Variants in RPTOR observed in about 807,000 individuals in gnomAD.
RPTOR encodes regulatory-associated protein of mTOR.
A neutral mutation model predicts 169.9 loss-of-function variants in RPTOR; 21 were observed. That is an observed-to-expected ratio of 0.12 (90% CI 0.09 to 0.18). The LOEUF is 0.18. RPTOR is among the 10% of genes least tolerant of loss of function. The pLI is 1.00. For missense variants in RPTOR, 1,133 were observed against 1,855.9 expected (o/e 0.61, Z 7.16); for synonymous variants, 732 against 753.2 (o/e 0.97, Z 0.46).
chr17:80,571,866 T>C (rs867569491), intron 1 of RPTOR, among the ~76,000 whole-genome samples: 1 of 152,344 alleles, frequency 6.6e-6, no homozygotes, highest in Middle Eastern at 3.4e-3. Context: ...TCTCTAAAAG[T>C]TGTACTTGCG....
rs1376259690 is a variant in RPTOR at position 80,923,936 on chromosome 17, G to A, written c.2808+263G>A. 2.7e-5 allele frequency: 13 copies of A among 476,334 alleles called. No homozygotes were observed. In the East Asian group the frequency reaches 4.2e-4, roughly 16 times the overall value. The allele number at this position is 476,334 out of a possible 1,614,324, so 29.5% of individuals were successfully genotyped here. A position where few individuals can be genotyped will look rare whatever the true frequency, so the allele number is the denominator to read the frequency against. On this transcript the variant is annotated intron_variant, in intron 23 of 33. Coordinates refer to ENST00000306801, the MANE Select transcript of RPTOR (RefSeq NM_020761.3). ...CTGCACTCTTTAGGAGCACTGCTGG[G>A]TGTGTCCCGGTTCTCCGCCCCTGGT...
intron 6 of RPTOR, among the ~76,000 whole-genome samples, chr17:80,758,559 C>T (rs575049816): frequency 4.6e-5 from 7 of 152,252 alleles, no homozygotes; most frequent in South Asian, 2.1e-4. Context: ...CATATCAGTG[C>T]GGTCTTGAGC....
chr17:80,755,972 A>T (rs2066677214), intron 6 of RPTOR, among the ~76,000 whole-genome samples: 1 of 152,232 alleles, frequency 6.6e-6, no homozygotes, highest in African/African-American at 2.4e-5. Flanking sequence ...AAGCTGAACC[A>T]GGGTTATTGT....
chr17:80,672,515 C>T (rs1020485056), intron 3 of RPTOR, among the ~76,000 whole-genome samples: 3 of 152,046 alleles, frequency 2.0e-5, no homozygotes, highest in African/African-American at 7.2e-5. Flanking sequence ...CAGCCAGGCG[C>T]GGTGGCTCAC....
At chr17:80,740,422 G>T (rs760030850) in intron 5 of RPTOR, among the ~76,000 whole-genome samples, 2 of 152,102 alleles carry the variant, frequency 1.3e-5, no homozygotes, top group African/African-American at 4.8e-5. Context: ...CTCATTTTAT[G>T]AGGCCATTAT....
At position 80,965,649 on chromosome 17, in the gene RPTOR, G is replaced by A. The variant is rs564005534; in HGVS notation, c.*1319G>A. 4.3e-5 allele frequency: 10 copies of A among 233,336 alleles called. No individual in the cohort carries two copies. Among genetic ancestry groups the A allele is most frequent in the South Asian group, 3.6e-4 (2 of 5,524 alleles). The allele number at this position is 233,336 out of a possible 1,614,324, so 14.5% of individuals were successfully genotyped here. A position where few individuals can be genotyped will look rare whatever the true frequency, so the allele number is the denominator to read the frequency against. On this transcript the variant is annotated 3_prime_UTR_variant, in exon 34 of 34. Coordinates refer to ENST00000306801, the MANE Select transcript of RPTOR (RefSeq NM_020761.3). Reference sequence around the variant, plus strand: ...AGTGAGAGCTGGTGTGGCGAGGCCCGGCTCTCCTGCGGTGTGGCTGGTGGC... The same window carrying A: ...AGTGAGAGCTGGTGTGGCGAGGCCCAGCTCTCCTGCGGTGTGGCTGGTGGC...
intron 6 of RPTOR, among the ~76,000 whole-genome samples, chr17:80,761,314 A>G (rs1302882354): frequency 6.6e-6 from 1 of 152,252 alleles, no homozygotes; most frequent in Non-Finnish European, 1.5e-5. Flanking sequence ...TTGTCTATTA[A>G]TGAAAATGAT....
At chr17:80,962,900 G>T in intron 32 of RPTOR, 28 bp from the exon 33 acceptor site, 3 of 1,612,918 alleles carry the variant, frequency 1.9e-6, no homozygotes, top group Non-Finnish European at 2.5e-6. Context: ...AGAGGGCAGT[G>T]ATGCCGGGAC....
At chr17:80,641,663 T>C (rs2065555381) in intron 2 of RPTOR, among the ~76,000 whole-genome samples, 1 of 152,220 alleles carries the variant, frequency 6.6e-6, no homozygotes, top group Non-Finnish European at 1.5e-5. Context: ...AAGTGTGCAG[T>C]AGCATTGTGT....
chr17:80,547,555 C>G (rs1007994518), intron 1 of RPTOR, among the ~76,000 whole-genome samples: 3 of 152,132 alleles, frequency 2.0e-5, no homozygotes, highest in Admixed American at 2.0e-4. Flanking sequence ...TAGAAAGGAG[C>G]TGGGGAGAAA....
intron 13 of RPTOR, among the ~76,000 whole-genome samples, chr17:80,875,935 A>G (rs1261543991): frequency 7.0e-5 from 4 of 57,126 alleles, no homozygotes; most frequent in South Asian, 1.8e-3. Context: ...GCCGCCCAGG[A>G]TGTGTGTGTC....
chr17:80,896,512 G>A (rs1369186683), intron 20 of RPTOR, among the ~76,000 whole-genome samples: 6 of 82,624 alleles, frequency 7.3e-5, no homozygotes, highest in Admixed American at 4.0e-4. Context: ...CGGCCGCACC[G>A]ACACCCCGCA....
chr17:80,573,639 A>T (rs1442654375), intron 1 of RPTOR, among the ~76,000 whole-genome samples: 1 of 152,192 alleles, frequency 6.6e-6, no homozygotes, highest in African/African-American at 2.4e-5. Flanking sequence ...TCTCCATGTC[A>T]TCAGGAGCCC....
chr17:80,619,093 T>G (rs1159450871), intron 1 of RPTOR, among the ~76,000 whole-genome samples: 1 of 152,212 alleles, frequency 6.6e-6, no homozygotes, highest in Non-Finnish European at 1.5e-5. Flanking sequence ...TGCTTGATGC[T>G]GTGAATCCTA....
At chr17:80,808,465 C>T (rs1294811328) in intron 7 of RPTOR, among the ~76,000 whole-genome samples, 1 of 152,174 alleles carries the variant, frequency 6.6e-6, no homozygotes, top group African/African-American at 2.4e-5. Flanking sequence ...TACAGATCTG[C>T]TGGGAAAAAG....
Position 80,927,599 on chromosome 17 carries a change from C to T in RPTOR, c.2919+2119C>T, listed in dbSNP as rs1309283928. Among the ~76,000 whole-genome samples the T allele has an allele frequency of 2.4e-4, 9 of 37,286 alleles. No individual in the cohort carries two copies. In the East Asian group the frequency reaches 4.1e-3, roughly 17 times the overall value. The allele number at this position is 37,286 out of a possible 152,430, so 24.5% of individuals were successfully genotyped here. On this transcript the variant is annotated intron_variant, in intron 24 of 33. Coordinates refer to ENST00000306801, the MANE Select transcript of RPTOR (RefSeq NM_020761.3). ...AGTTCCCCAGAGGCATGTGGAAGGC[C>T]GTGTGTGTGTCTGTCTGTCTGTCTG...
intron 5 of RPTOR, among the ~76,000 whole-genome samples, chr17:80,748,037 G>C (rs538521214): frequency 9.2e-5 from 13 of 141,254 alleles, no homozygotes; most frequent in Non-Finnish European, 1.5e-4. Flanking sequence ...TGTGTTTAGA[G>C]GCCGTGGCGG....
chr17:80,808,993 G>T (rs2067246478), intron 7 of RPTOR, among the ~76,000 whole-genome samples: 2 of 152,186 alleles, frequency 1.3e-5, no homozygotes, highest in African/African-American at 4.8e-5. Flanking sequence ...GTCTTTGTGT[G>T]GGCATATATA....
intron 1 of RPTOR, among the ~76,000 whole-genome samples, chr17:80,555,991 G>A (rs12952366): frequency 1.3e-5 from 2 of 152,056 alleles, no homozygotes; most frequent in African/African-American, 2.4e-5. Flanking sequence ...CCAGCACTTC[G>A]GGAGGCTGAG....
Sources: gnomAD v4.1 joint callset for allele counts (sites outside exome capture counted in the v4.1 genomes callset) on GRCh38, gnomAD v4.1.1 for gene constraint, MANE v1.5 for transcripts, NCBI Gene and HGNC (gene_info 2026-07-23, HGNC 2026-07-21) for gene names.